PSME4: variants seen among roughly 807,000 people sequenced by gnomAD.
PSME4 encodes proteasome activator subunit 4.
A neutral mutation model predicts 253.9 loss-of-function variants in PSME4; 89 were observed. The observed-to-expected ratio is 0.35, with a 90% confidence interval of 0.30 to 0.42. The LOEUF (loss-of-function observed/expected upper bound fraction) is 0.42, where lower values mean the gene tolerates loss of function less well. Ranked by LOEUF, PSME4 falls within the 10% of genes least tolerant of loss-of-function variation. The pLI is 1.00. For missense variants in PSME4, 2,014 were observed against 2,195.2 expected (o/e 0.92, Z 1.65); for synonymous variants, 851 against 759.2 (o/e 1.12, Z -1.99).
rs1250530769 is a variant in PSME4 at position 53,920,816 on chromosome 2, A to G, written c.2262+73T>C. 3.9e-6 allele frequency: 5 copies of G among 1,279,498 alleles called. No homozygotes were observed. The East Asian group carries it at 1.2e-4, about 30-fold the overall frequency. The allele number at this position is 1,279,498 out of a possible 1,614,324, so 79.3% of individuals were successfully genotyped here. On this transcript the variant is annotated intron_variant, in intron 18 of 46. Coordinates refer to ENST00000404125, the MANE Select transcript of PSME4 (RefSeq NM_014614.3). ...AGTAAAAAACTAACATATGCAAGAA[A>G]AAATAACACTTTGAATCCCTTAAAA...
chr2:53,962,400 C>CAAA (rs113383017), intron 1 of PSME4, among the ~76,000 whole-genome samples: 816 of 53,790 alleles, frequency 0.015, 8 homozygotes, highest in African/African-American at 0.049. Context: ...ACAAGCTTGC[C>CAAA]AAAAAAAAAA....
chr2:53,877,382 T>G (rs984749370), intron 41 of PSME4, among the ~76,000 whole-genome samples: 6 of 151,836 alleles, frequency 4.0e-5, no homozygotes, highest in Non-Finnish European at 8.8e-5. Context: ...CACTGCACTC[T>G]AGCCAGGGTG....
chr2:53,955,644 C>G (rs116349421), intron 1 of PSME4, among the ~76,000 whole-genome samples: 21 of 152,160 alleles, frequency 1.4e-4, no homozygotes, highest in Non-Finnish European at 2.5e-4. Context: ...AAAACAGGCC[C>G]AGCACAGTGG....
Position 53,925,572 on chromosome 2 carries a change from T to C in PSME4, c.1776A>G (p.Thr592=). 4 of 1,588,520 alleles carry C rather than the reference T, an allele frequency of 2.5e-6. No homozygotes were observed. Among genetic ancestry groups the C allele is most frequent in the Non-Finnish European group, 3.4e-6 (4 of 1,160,034 alleles). Residue 592 remains threonine, a synonymous_variant, in exon 14 of 47, where the codon ACA becomes ACG. Transcript: ENST00000404125. ...VELGLSSTFS[T]ILTQCSKEIF... ...TTTCTTTGGAACATTGGGTGAGGAT[T>C]GTACTAAACGTAGAAGACAGACCTA... is the stretch of plus-strand genomic sequence containing the variant.
At chr2:53,915,999 C>T (rs1006034516) in intron 20 of PSME4, among the ~76,000 whole-genome samples, 2 of 152,020 alleles carry the variant, frequency 1.3e-5, no homozygotes, top group Non-Finnish European at 2.9e-5. Flanking sequence ...CGCTTGAACC[C>T]GGAAGGCAGA....
chr2:53,948,513 A>G lies in PSME4; in HGVS notation c.408T>C (p.Ala136=), dbSNP rs1454722470. 3.7e-6 allele frequency: 6 copies of G among 1,612,140 alleles called. No homozygotes were observed. Among genetic ancestry groups the G allele is most frequent in the African/African-American group, 1.3e-5 (1 of 74,902 alleles). The change falls in exon 3 of 47, where the codon GCT becomes GCC. Residue 136 remains alanine, a synonymous_variant. Transcript: ENST00000404125. ...LLKKKELLSR[A]DLELPWRPLY... The stretch of plus-strand genomic sequence containing the variant: ...GTGGTCTCCAGGGTAACTCCAAATC[A>G]GCTCTTGAAAGAAGTTCCTTTTTCC...
intron 20 of PSME4, among the ~76,000 whole-genome samples, chr2:53,916,768 A>C (rs965186717): frequency 1.3e-5 from 2 of 152,218 alleles, no homozygotes; most frequent in Non-Finnish European, 2.9e-5. Flanking sequence ...AATGTTACAC[A>C]TAGGAAATAA....
At chr2:53,957,173 C>T (rs1670272970) in intron 1 of PSME4, among the ~76,000 whole-genome samples, 1 of 152,096 alleles carries the variant, frequency 6.6e-6, no homozygotes, top group Non-Finnish European at 1.5e-5. Context: ...AGCAGTGGTC[C>T]CCCAAACTTT....
At chr2:53,965,611 G>T (rs536078124) in intron 1 of PSME4, among the ~76,000 whole-genome samples, 1 of 150,850 alleles carries the variant, frequency 6.6e-6, no homozygotes, top group African/African-American at 2.4e-5. Context: ...AATGAGTGGG[G>T]TTTTAATTTG....
intron 4 of PSME4, among the ~76,000 whole-genome samples, chr2:53,939,663 A>AT (rs990464283): frequency 6.6e-6 from 1 of 152,166 alleles, no homozygotes; most frequent in African/African-American, 2.4e-5. Context: ...CATTACTCCT[A>AT]TTTTTTGTCT....
chr2:53,930,195 T>A (rs1397846190), intron 10 of PSME4, among the ~76,000 whole-genome samples: 3 of 152,194 alleles, frequency 2.0e-5, no homozygotes, highest in Admixed American at 1.3e-4. Context: ...ATGCTGATAT[T>A]ACATTTGTCC....
intron 15 of PSME4, 60 bp downstream of exon 15, chr2:53,923,261 A>G: frequency 6.6e-7 from 1 of 1,520,298 alleles, no homozygotes; most frequent in Non-Finnish European, 8.9e-7. Flanking sequence ...CTAATAATTA[A>G]CCATATAAAC....
chr2:53,934,240 T>C (rs1042177695), intron 8 of PSME4, among the ~76,000 whole-genome samples: 6 of 152,206 alleles, frequency 3.9e-5, no homozygotes, highest in Non-Finnish European at 8.8e-5. Context: ...ATGTTTTATG[T>C]GAATATTAAC....
At chr2:53,870,318 T>C (rs1573183763) in intron 43 of PSME4, 1 of 152,158 alleles carries the variant, frequency 6.6e-6, no homozygotes, top group Non-Finnish European at 1.5e-5. Flanking sequence ...ATAAAATGTT[T>C]TACTGGTTGC....
Position 53,874,332 on chromosome 2 carries a change from A to G in PSME4, c.5100+7T>C, listed in dbSNP as rs1679025853. 2 of 1,603,746 alleles carry G rather than the reference A, an allele frequency of 1.2e-6. No homozygotes were observed. The highest frequency in any genetic ancestry group is 1.7e-6 in the Non-Finnish European group (2 of 1,177,258). ...TGAATTTCCGTTTTCTATAACTTAAATTTTACCTCCAGTTGTTCGTCCTCC... is the reference window on the plus strand; with the variant it reads ...TGAATTTCCGTTTTCTATAACTTAAGTTTTACCTCCAGTTGTTCGTCCTCC... On this transcript the variant is annotated splice_region_variant and intron_variant, in intron 43 of 46. Coordinates refer to ENST00000404125, the MANE Select transcript of PSME4 (RefSeq NM_014614.3).
rs576309685 is a variant in PSME4 at position 53,966,046 on chromosome 2, G to A, written c.242+4497C>T. ...GCCTGTAATCCCAGCACCTTGGGAG[G>A]CCGAGATCTTGGGCGGATCATTTGG... On this transcript the variant is annotated intron_variant, in intron 1 of 46. Coordinates refer to ENST00000404125, the MANE Select transcript of PSME4 (RefSeq NM_014614.3). Among the ~76,000 whole-genome samples, 7 of 152,248 alleles carry A rather than the reference G, an allele frequency of 4.6e-5. No homozygotes were observed. In the South Asian group the frequency reaches 1.5e-3, roughly 32 times the overall value.
At chr2:53,899,622 C>A (rs805422) in intron 29 of PSME4, among the ~76,000 whole-genome samples, 73,409 of 151,316 alleles carry the variant, frequency 0.49, 18,132 homozygotes, top group East Asian at 0.71. Context: ...GTTCGAGACC[C>A]GCCTGGCCAA....
intron 3 of PSME4, among the ~76,000 whole-genome samples, chr2:53,947,909 G>T (rs1000064849): frequency 6.6e-6 from 1 of 151,570 alleles, no homozygotes; most frequent in Non-Finnish European, 1.5e-5. Context: ...CCAGCTGCTC[G>T]GGAGGCTGAG....
chr2:53,898,512 G>C (rs1680244174), intron 29 of PSME4, among the ~76,000 whole-genome samples, 158 bp from the exon 30 acceptor site: 1 of 152,086 alleles, frequency 6.6e-6, no homozygotes, highest in Non-Finnish European at 1.5e-5. Flanking sequence ...CAGAATGAAA[G>C]TAGACAGGTG....
Sources: allele counts gnomAD v4.1 joint callset (sites outside exome capture counted in the v4.1 genomes callset), GRCh38; gene constraint gnomAD v4.1.1; transcripts MANE v1.5; gene names NCBI Gene and HGNC (gene_info 2026-07-23, HGNC 2026-07-21).